Variants in REM1 observed in about 807,000 individuals in gnomAD.
The protein encoded by REM1 is GTP-binding protein REM 1.
In REM1, 20 loss-of-function variants were observed where a neutral mutation model predicts 27.0. The observed-to-expected ratio is 0.74, with a 90% CI of 0.52 to 1.08. The LOEUF (loss-of-function observed/expected upper bound fraction) is 1.08. Among genes scored for constraint, REM1 ranks in the 50% least tolerant of loss-of-function variants. The pLI is 0.00. For synonymous variants in REM1, 159 were observed against 167.9 expected, an observed-to-expected ratio of 0.95 and a Z score of 0.41; for missense variants, 405 against 407.0, an observed-to-expected ratio of 1.00 and a Z score of 0.04.
At chr20:31,478,150 C>T (rs1031571833) in intron 3 of REM1, among the ~76,000 whole-genome samples, 2 of 152,120 alleles carry the variant, frequency 1.3e-5, no homozygotes, top group Non-Finnish European at 2.9e-5. Flanking sequence ...TGTACTTCTC[C>T]CCCTGCAGAT....
intron 4 of REM1, among the ~76,000 whole-genome samples, chr20:31,482,891 G>T (rs1431163553): frequency 6.6e-6 from 1 of 152,200 alleles, no homozygotes; most frequent in African/African-American, 2.4e-5. Context: ...CTAGCACTTT[G>T]GGAGGCCAAG....
Position 31,476,435 on chromosome 20 carries a change from C to T in REM1, c.-11C>T. 6.5e-7 allele frequency: 1 copy of T among 1,546,706 alleles called. No individual in the cohort carries two copies. On this transcript the variant is annotated 5_prime_UTR_variant, in exon 2 of 5. Transcript: ENST00000201979. Reference sequence around the variant, plus strand: ...GGAAAGAAGGAAGAAGCAAACCCCCCCCTACCAAAGATGACACTCAACACC... The same window carrying T: ...GGAAAGAAGGAAGAAGCAAACCCCCTCCTACCAAAGATGACACTCAACACC...
chr20:31,484,333 G>A lies in REM1; in HGVS notation c.800G>A (p.Arg267His), dbSNP rs199955279. 1.2e-4 allele frequency: 190 copies of A among 1,566,830 alleles called. 1 individual carries two copies. In the East Asian group the frequency reaches 3.8e-3, roughly 31 times the overall value. ...CGACGGCCGGCCAGCCTAGCCCAGC[G>A]CGCTCGTCGCTTCCTGGCACGCCTG... The part of the protein sequence containing the change: ...APRRPASLAQ[R>H]ARRFLARLTA... The change falls in exon 5 of 5, where the codon CGC (arginine) becomes CAC (histidine). Residue 267 changes from arginine (R) to histidine (H), a missense_variant. Transcript: ENST00000201979.
chr20:31,476,762 G>C lies in REM1; in HGVS notation c.317G>C (p.Arg106Thr), dbSNP rs750388483. The change falls in exon 2 of 5, where the codon AGG (arginine) becomes ACG (threonine). Residue 106 changes from arginine to threonine, a missense_variant. Coordinates refer to ENST00000201979, the MANE Select transcript of REM1 (RefSeq NM_014012.6). The part of the protein sequence containing the change: ...LASLFAGKQE[R>T]DLHEQLGEDV... Reference sequence around the variant, plus strand: ...AGCCTCTTTGCAGGGAAGCAAGAGAGGGACCTCCATGAACAGCTGGGAGGT... The same window carrying C: ...AGCCTCTTTGCAGGGAAGCAAGAGACGGACCTCCATGAACAGCTGGGAGGT... The C allele has an allele frequency of 5.6e-6, 9 of 1,612,526 alleles. No individual in the cohort carries two copies. The Admixed American group carries it at 1.3e-4, about 24-fold the overall frequency.
At position 31,476,429 on chromosome 20, in the gene REM1, A is replaced by AC. The variant is rs201389128; in HGVS notation, c.-9dup. On this transcript the variant is annotated 5_prime_UTR_variant, in exon 2 of 5. Coordinates refer to ENST00000201979, the MANE Select transcript of REM1 (RefSeq NM_014012.6). ...TCAGAAGGAAAGAAGGAAGAAGCAAACCCCCCCCTACCAAAGATGACACTC... is the reference window on the plus strand; with the variant it reads ...TCAGAAGGAAAGAAGGAAGAAGCAAACCCCCCCCCTACCAAAGATGACACTC... 0.012 allele frequency: 18,577 copies of AC among 1,506,004 alleles called. 159 individuals are homozygous for AC. The highest frequency in any genetic ancestry group is 0.012 in the Non-Finnish European group (13,487 of 1,119,028). 93.3% of individuals were successfully genotyped at this position (1,506,004 alleles called of 1,614,324 possible).
At chr20:31,484,051 G>A in intron 4 of REM1, 108 bp from the exon 5 acceptor site, 3 of 1,265,358 alleles carry the variant, frequency 2.4e-6, no homozygotes, top group East Asian at 2.7e-5. Flanking sequence ...CACCAGGCAT[G>A]AGCACAGGAA....
intron 3 of REM1, among the ~76,000 whole-genome samples, chr20:31,478,712 C>G (rs1056135747): frequency 2.0e-5 from 3 of 152,074 alleles, no homozygotes; most frequent in African/African-American, 7.2e-5. Flanking sequence ...CTTCTGATTC[C>G]CATTCTACTG....
At chr20:31,480,089 C>CA (rs1274220195) in intron 3 of REM1, among the ~76,000 whole-genome samples, 12 of 151,076 alleles carry the variant, frequency 7.9e-5, no homozygotes, top group Non-Finnish European at 1.0e-4. Flanking sequence ...AACTCTGTCT[C>CA]AAAAAAAATA....
intron 3 of REM1, among the ~76,000 whole-genome samples, chr20:31,480,214 G>GATAGATAA (rs1980671732): frequency 7.3e-6 from 1 of 136,954 alleles, no homozygotes; most frequent in East Asian, 2.0e-4. Flanking sequence ...TAGATAGATA[G>GATAGATAA]ATAGATAGAT....
chr20:31,484,451 G>T lies in REM1; in HGVS notation c.*21G>T, dbSNP rs960270312. 1.2e-5 allele frequency: 18 copies of T among 1,463,822 alleles called. No homozygotes were observed. The African/African-American group carries it at 2.3e-4, about 19-fold the overall frequency. The allele number at this position is 1,463,822 out of a possible 1,614,324, so 90.7% of individuals were successfully genotyped here. On this transcript the variant is annotated 3_prime_UTR_variant, in exon 5 of 5. Transcript: ENST00000201979. ...TCTGAAGCCCCCCGCCCTTCTGAGA[G>T]TTGGCGGGTCACTGAGGTGCATTCT...
chr20:31,477,955 AATACTAGACTCCTTCCT>A, intron 3 of REM1, 45 bp downstream of exon 3: 1 of 1,211,892 alleles, frequency 8.3e-7, no homozygotes, highest in Non-Finnish European at 1.2e-6. Flanking sequence ...TGCTGAGCCT[AATACTAGACTCCTTCCT>A]GTCCCCTCCT....
At chr20:31,481,545 C>G (rs1363112549) in intron 3 of REM1, among the ~76,000 whole-genome samples, 1 of 152,082 alleles carries the variant, frequency 6.6e-6, no homozygotes, top group Non-Finnish European at 1.5e-5. Context: ...CACTATAACT[C>G]CCATTTCCAT....
At position 31,476,470 on chromosome 20, in the gene REM1, G is replaced by A. The variant is rs762150383; in HGVS notation, c.25G>A (p.Ala9Thr). ...GATGACACTCAACACCGAGCAGGAA[G>A]CAAAGACCCCTCTGCACCGGCGAGC... is the stretch of plus-strand genomic sequence containing the variant. MTLNTEQE[A>T]KTPLHRRAST... is the part of the protein sequence containing the mutation. Residue 9 changes from alanine to threonine, a missense_variant, in exon 2 of 5, where the codon GCA (alanine) becomes ACA (threonine). Ala to Thr is a moderately conservative substitution (Grantham distance 58). Transcript: ENST00000201979. 4 of 1,600,482 alleles carry A rather than the reference G, an allele frequency of 2.5e-6. No homozygotes were observed. The highest frequency in any genetic ancestry group is 1.1e-5 in the South Asian group (1 of 89,470).
At chr20:31,478,484 T>C (rs3861819) in intron 3 of REM1, among the ~76,000 whole-genome samples, 15,612 of 152,166 alleles carry the variant, frequency 0.1, 910 homozygotes, top group East Asian at 0.27. Flanking sequence ...ACTTGGTAGC[T>C]AGAGAAAAAG....
chr20:31,484,140 C>G lies in REM1; in HGVS notation c.626-19C>G. 1.9e-6 allele frequency: 3 copies of G among 1,555,176 alleles called. No individual in the cohort carries two copies. The highest frequency in any genetic ancestry group is 1.7e-6 in the Non-Finnish European group (2 of 1,148,630). Reference sequence around the variant, plus strand: ...TCCGTTATGGCTCCACCCCTCCTCGCCGGGCCCCGCCCCCTTAGAGGGCCG... The same window carrying G: ...TCCGTTATGGCTCCACCCCTCCTCGGCGGGCCCCGCCCCCTTAGAGGGCCG... On this transcript the variant is annotated intron_variant, in intron 4 of 4. Coordinates refer to ENST00000201979, the MANE Select transcript of REM1 (RefSeq NM_014012.6).
At chr20:31,481,100 C>T (rs1391357053) in intron 3 of REM1, among the ~76,000 whole-genome samples, 2 of 152,120 alleles carry the variant, frequency 1.3e-5, no homozygotes, top group East Asian at 1.9e-4. Context: ...CGTGAAACCC[C>T]GTCTCTACCA....
In REM1 at chr20:31,476,301, C is replaced by G. The variant is rs1006882251; in HGVS notation, c.-145C>G. The G allele has an allele frequency of 7.3e-6, 5 of 689,218 alleles. No individual in the cohort carries two copies. The highest frequency in any genetic ancestry group is 7.4e-6 in the Non-Finnish European group (3 of 406,846). 42.7% of individuals were successfully genotyped at this position (689,218 alleles called of 1,614,324 possible). On this transcript the variant is annotated 5_prime_UTR_variant, in exon 2 of 5. The change creates a new upstream start codon in the 5' untranslated region. Coordinates refer to ENST00000201979, the MANE Select transcript of REM1 (RefSeq NM_014012.6). The stretch of plus-strand genomic sequence containing the variant: ...AAGCTGAGGCACCTCCTACTCCCAT[C>G]TGAACAAGAGGGGGATCTGGAAGAA...
chr20:31,482,937 C>T (rs1406107938), intron 4 of REM1, among the ~76,000 whole-genome samples: 1 of 152,058 alleles, frequency 6.6e-6, no homozygotes, highest in African/African-American at 2.4e-5. Context: ...AGTTTGAGAC[C>T]AGCTTTGGCA....
Position 31,484,467 on chromosome 20 carries a change from G to T in REM1, c.*37G>T. 1 of 1,448,728 alleles carries T rather than the reference G, an allele frequency of 6.9e-7. No individual in the cohort carries two copies. The highest frequency in any genetic ancestry group is 9.1e-7 in the Non-Finnish European group (1 of 1,098,986). 89.7% of individuals were successfully genotyped at this position (1,448,728 alleles called of 1,614,324 possible). A position where few individuals can be genotyped will look rare whatever the true frequency, so the allele number is the denominator to read the frequency against. On this transcript the variant is annotated 3_prime_UTR_variant, in exon 5 of 5. Coordinates refer to ENST00000201979, the MANE Select transcript of REM1 (RefSeq NM_014012.6). ...CTTCTGAGAGTTGGCGGGTCACTGA[G>T]GTGCATTCTGGGCTCCAGGGACGCC...
Sources: gnomAD v4.1 joint callset for allele counts (sites outside exome capture counted in the v4.1 genomes callset) on GRCh38, gnomAD v4.1.1 for gene constraint, MANE v1.5 for transcripts, NCBI Gene and HGNC (gene_info 2026-07-23, HGNC 2026-07-21) for gene names.